The following COL4A3 variants were observed in gnomAD, a reference collection of about 807,000 sequenced individuals.
COL4A3 encodes the protein collagen alpha-3(IV) chain.
In COL4A3, 135 loss-of-function variants were observed where a neutral mutation model predicts 217.4. The observed-to-expected ratio is 0.62, with a 90% CI of 0.54 to 0.72. COL4A3 has a LOEUF of 0.72. Ranked by LOEUF, COL4A3 falls within the 30% of genes least tolerant of loss-of-function variation. COL4A3 has a pLI of 0.00. For synonymous variants in COL4A3, 690 were observed against 736.3 expected, an observed-to-expected ratio of 0.94 and a Z score of 1.02; for missense variants, 1,868 against 2,119.9, an observed-to-expected ratio of 0.88 and a Z score of 2.33.
intron 39 of COL4A3, 81 bp downstream of exon 39, chr2:227,294,651 C>A (rs1203674874): frequency 9.5e-7 from 1 of 1,054,892 alleles, no homozygotes; most frequent in Non-Finnish European, 1.5e-6. Flanking sequence ...TGTAAACCTA[C>A]TACTCTATAG....
chr2:227,278,646 C>T (rs1222100542), intron 28 of COL4A3, among the ~76,000 whole-genome samples: 1 of 152,106 alleles, frequency 6.6e-6, no homozygotes, highest in Non-Finnish European at 1.5e-5. Flanking sequence ...AGGGAGTCTG[C>T]CTCACATTTG....
intron 47 of COL4A3, 80 bp from the exon 48 acceptor site, chr2:227,307,630 A>T: frequency 2.4e-4 from 214 of 898,650 alleles, no homozygotes; most frequent in Non-Finnish European, 3.5e-4. Flanking sequence ...CATATATAAA[A>T]TATATTTAAA....
intron 8 of COL4A3, 129 bp downstream of exon 8, chr2:227,247,713 C>A: frequency 1.0e-6 from 1 of 965,114 alleles, no homozygotes; most frequent in Non-Finnish European, 1.7e-6. Context: ...CATTCAGAAA[C>A]AATAATAATC....
chr2:227,235,951 T>C (rs2068672052), intron 1 of COL4A3, among the ~76,000 whole-genome samples: 1 of 152,028 alleles, frequency 6.6e-6, no homozygotes, highest in Non-Finnish European at 1.5e-5. Flanking sequence ...TTTTTGTATT[T>C]TTAGTAGAGA....
intron 43 of COL4A3, chr2:227,302,103 G>C (rs1186892926): frequency 6.6e-6 from 1 of 152,206 alleles, no homozygotes; most frequent in Non-Finnish European, 1.5e-5. Context: ...CTCCTTCTAT[G>C]GCTTTGCTTG....
intron 1 of COL4A3, among the ~76,000 whole-genome samples, chr2:227,173,921 G>A (rs1265279344): frequency 6.6e-6 from 1 of 152,138 alleles, no homozygotes; most frequent in African/African-American, 2.4e-5. Context: ...CCACTGTCCT[G>A]GACAGCATAT....
intron 2 of COL4A3, 173 bp downstream of exon 2, chr2:227,238,197 G>T (rs1370316236): frequency 4.0e-6 from 2 of 499,108 alleles, no homozygotes; most frequent in East Asian, 3.5e-5. Flanking sequence ...AAAGAAAAAA[G>T]TCATCTAGGA....
At chr2:227,228,116 C>G (rs1347298567) in intron 1 of COL4A3, among the ~76,000 whole-genome samples, 1 of 152,208 alleles carries the variant, frequency 6.6e-6, no homozygotes, top group Non-Finnish European at 1.5e-5. Context: ...GCTTACATGT[C>G]TAGACTAGTG....
intron 1 of COL4A3, among the ~76,000 whole-genome samples, chr2:227,204,362 C>T (rs72975978): frequency 6.6e-6 from 1 of 152,116 alleles, no homozygotes; most frequent in Middle Eastern, 3.2e-3. Context: ...TCATTTCCTT[C>T]TATTTTTTTC....
At chr2:227,206,620 A>C (rs1275488501) in intron 1 of COL4A3, among the ~76,000 whole-genome samples, 1 of 152,040 alleles carries the variant, frequency 6.6e-6, no homozygotes, top group Non-Finnish European at 1.5e-5. Context: ...GAGGTATGTA[A>C]CACCTGAGAA....
rs1426013507 is a variant in COL4A3 at position 227,311,990 on chromosome 2, C to T, written c.*120C>T. 6.0e-6 allele frequency: 9 copies of T among 1,503,302 alleles called. No individual in the cohort carries two copies. Among genetic ancestry groups the T allele is most frequent in the Non-Finnish European group, 8.1e-6 (9 of 1,110,778 alleles). The allele number at this position is 1,503,302 out of a possible 1,614,324, so 93.1% of individuals were successfully genotyped here. On this transcript the variant is annotated 3_prime_UTR_variant, in exon 52 of 52. Coordinates refer to ENST00000396578, the MANE Select transcript of COL4A3 (RefSeq NM_000091.5). ...AATATTGCTCCATGATGACTTAGTA[C>T]AAAGTTTCAATTTGTTTCCCCACAA...
At position 227,312,717 on chromosome 2, in the gene COL4A3, G is replaced by A. The variant is rs1037148530; in HGVS notation, c.*847G>A. Reference sequence around the variant, plus strand: ...ACCAGCATACCCACACAAATAACAAGAATACTACTTATGAAATGTGCACTT... The same window carrying A: ...ACCAGCATACCCACACAAATAACAAAAATACTACTTATGAAATGTGCACTT... On this transcript the variant is annotated 3_prime_UTR_variant, in exon 52 of 52. Coordinates refer to ENST00000396578, the MANE Select transcript of COL4A3 (RefSeq NM_000091.5). 5.2e-5 allele frequency: 8 copies of A among 152,496 alleles called. No individual in the cohort carries two copies. The highest frequency in any genetic ancestry group is 1.9e-4 in the African/African-American group (8 of 41,404). 9.4% of individuals were successfully genotyped at this position (152,496 alleles called of 1,614,324 possible).
At chr2:227,237,908 G>C in intron 1 of COL4A3, 60 bp from the exon 2 acceptor site, 1 of 1,270,750 alleles carries the variant, frequency 7.9e-7, no homozygotes, top group Non-Finnish European at 1.2e-6. Context: ...CTTTTACCCT[G>C]CCGGTTGGGA....
chr2:227,254,512 T>C, intron 14 of COL4A3, 144 bp from the exon 15 acceptor site: 2 of 733,918 alleles, frequency 2.7e-6, no homozygotes, highest in East Asian at 2.6e-5. Flanking sequence ...TTACTATTCA[T>C]CAATAAGATT....
intron 2 of COL4A3, chr2:227,238,320 T>C (rs773363294): frequency 5.1e-5 from 13 of 253,978 alleles, no homozygotes; most frequent in Non-Finnish European, 1.0e-4. Context: ...AGTCTCCATA[T>C]GTATACACTA....
At chr2:227,208,765 T>TACAC (rs60244094) in intron 1 of COL4A3, among the ~76,000 whole-genome samples, 14,181 of 138,308 alleles carry the variant, frequency 0.1, 751 homozygotes, top group Middle Eastern at 0.17. Flanking sequence ...GGCGGTTGGT[T>TACAC]ACACACACAC....
In COL4A3 at chr2:227,253,986, T is replaced by A; in HGVS notation, c.766-126T>A. The A allele has an allele frequency of 1.1e-6, 1 of 900,308 alleles. No homozygotes were observed. The highest frequency in any genetic ancestry group is 2.5e-5 in the East Asian group (1 of 40,056). The allele number at this position is 900,308 out of a possible 1,614,324, so 55.8% of individuals were successfully genotyped here. Reference sequence around the variant, plus strand: ...AAATGGAAGGTGTATTGGGTTGTGTTAACACGAGGCACATTCATAGTTTGT... The same window carrying A: ...AAATGGAAGGTGTATTGGGTTGTGTAAACACGAGGCACATTCATAGTTTGT... On this transcript the variant is annotated intron_variant, in intron 13 of 51. Coordinates refer to ENST00000396578, the MANE Select transcript of COL4A3 (RefSeq NM_000091.5). This position sits in a 1 kb window ranked among gnomAD's most constrained non-coding sequence, Gnocchi z 4.4.
chr2:227,254,218 G>C, intron 14 of COL4A3, 44 bp downstream of exon 14: 1 of 1,518,804 alleles, frequency 6.6e-7, no homozygotes, highest in Non-Finnish European at 9.1e-7. Context: ...ACATAAAGTA[G>C]AGCCTTAGTA....
In COL4A3 at chr2:227,298,672, A is replaced by C; in HGVS notation, c.3752-10A>C. ...GGCTGGCAATACTGACAGACTTTTC[A>C]TGAATTCAGGTGCGCCTGGTCCCCC... On this transcript the variant is annotated splice_polypyrimidine_tract_variant and intron_variant, in intron 42 of 51. Coordinates refer to ENST00000396578, the MANE Select transcript of COL4A3 (RefSeq NM_000091.5). 1 of 1,613,520 alleles carries C rather than the reference A, an allele frequency of 6.2e-7. No individual in the cohort carries two copies. Among genetic ancestry groups the C allele is most frequent in the Non-Finnish European group, 8.5e-7 (1 of 1,179,700 alleles).
Sources: allele counts gnomAD v4.1 joint callset (sites outside exome capture counted in the v4.1 genomes callset), GRCh38; gene constraint gnomAD v4.1.1; non-coding constraint Gnocchi (gnomAD v3.1); transcripts MANE v1.5; gene names NCBI Gene and HGNC (gene_info 2026-07-23, HGNC 2026-07-21).